Variants in CCDC141 observed in about 807,000 individuals in gnomAD.
CCDC141 encodes coiled-coil domain-containing protein 141.
In CCDC141, 168 loss-of-function variants were observed where a neutral mutation model predicts 181.0. That is an observed-to-expected ratio of 0.93 (90% confidence interval 0.82 to 1.05). The LOEUF (loss-of-function observed/expected upper bound fraction) is 1.05, where lower values mean the gene tolerates loss of function less well. Ranked by LOEUF, CCDC141 falls within the 50% of genes least tolerant of loss-of-function variation. The pLI is 0.00. For missense variants in CCDC141, 1,902 were observed against 1,788.5 expected (o/e 1.06, Z -1.14); for synonymous variants, 666 against 642.3 (o/e 1.04, Z -0.56).
intron 17 of CCDC141, among the ~76,000 whole-genome samples, chr2:178,858,224 G>C (rs1276979533): frequency 6.6e-6 from 1 of 152,022 alleles, no homozygotes; most frequent in African/African-American, 2.4e-5. Flanking sequence ...TAGAAACTCA[G>C]GGGAATATTT....
intron 12 of CCDC141, chr2:178,874,717 G>A (rs912157976): frequency 1.3e-5 from 2 of 152,218 alleles, no homozygotes; most frequent in Non-Finnish European, 2.9e-5. Context: ...ACAGGGGTGA[G>A]CTCACCTATC....
intron 2 of CCDC141, among the ~76,000 whole-genome samples, chr2:179,032,016 A>G (rs764814839): frequency 5.3e-5 from 8 of 152,120 alleles, no homozygotes; most frequent in Non-Finnish European, 1.0e-4. Flanking sequence ...AGAACCATCT[A>G]TACAATATGA....
intron 12 of CCDC141, chr2:178,874,275 T>G (rs955508736): frequency 1.8e-4 from 27 of 152,240 alleles, no homozygotes; most frequent in African/African-American, 6.3e-4. Context: ...GCTTTAATTT[T>G]ATCAATAAGG....
chr2:178,982,703 C>T (rs1691481429), intron 2 of CCDC141, among the ~76,000 whole-genome samples: 2 of 152,176 alleles, frequency 1.3e-5, no homozygotes, highest in South Asian at 4.1e-4. Context: ...AAAGGGGTGA[C>T]AGACGGCACC....
At chr2:178,823,849 T>G in the CCDC141 span, among the ~76,000 whole-genome samples, 1 of 152,330 alleles carries the variant, frequency 6.6e-6, no homozygotes, top group African/African-American at 2.4e-5. Context: ...GGAATTGTGC[T>G]GAGTCTTTTA....
At chr2:178,997,801 A>G (rs1692355147) in intron 2 of CCDC141, among the ~76,000 whole-genome samples, 1 of 152,192 alleles carries the variant, frequency 6.6e-6, no homozygotes, top group African/African-American at 2.4e-5. Flanking sequence ...TAGCAATTTC[A>G]TAAGATGTGT....
chr2:178,988,536 G>A (rs929577913), intron 2 of CCDC141, among the ~76,000 whole-genome samples: 2 of 152,010 alleles, frequency 1.3e-5, no homozygotes, highest in Non-Finnish European at 1.5e-5. Flanking sequence ...GAGAACCCAC[G>A]TTTATGAGTT....
At chr2:178,905,089 A>G (rs1003043425) in intron 8 of CCDC141, among the ~76,000 whole-genome samples, 2 of 152,228 alleles carry the variant, frequency 1.3e-5, no homozygotes, top group African/African-American at 4.8e-5. Flanking sequence ...CTCAGAAACG[A>G]GTAAACAGAA....
rs947040661 is a variant in CCDC141 at position 178,975,292 on chromosome 2, A to G, written c.418-127T>C. The G allele has an allele frequency of 9.3e-6, 5 of 540,208 alleles. No individual in the cohort carries two copies. In the East Asian group the frequency reaches 1.4e-4, roughly 16 times the overall value. The allele number at this position is 540,208 out of a possible 1,614,324, so 33.5% of individuals were successfully genotyped here. A position where few individuals can be genotyped will look rare whatever the true frequency, so the allele number is the denominator to read the frequency against. On this transcript the variant is annotated intron_variant, in intron 3 of 23. Transcript: ENST00000443758. ...TGAGGATGTGTGATTATGCAAGTGC[A>G]TATGTTTGTATGTGTTTGTGTGTGT...
chr2:178,932,791 A>G (rs1689149425), intron 6 of CCDC141, among the ~76,000 whole-genome samples: 1 of 152,208 alleles, frequency 6.6e-6, no homozygotes, highest in Non-Finnish European at 1.5e-5. Context: ...TCAGAAAAAT[A>G]AAACAATAAA....
chr2:178,850,117 G>A lies in CCDC141; in HGVS notation c.3289C>T (p.His1097Tyr). ...GTCACAGATTCAAGAACCTCTTTGTGTTTTGTCACTATTTTCTCAATATAT... is the reference window on the plus strand; with the variant it reads ...GTCACAGATTCAAGAACCTCTTTGTATTTTGTCACTATTTTCTCAATATAT... ...QKYIEKIVTKHKEVLESVTEL... is the reference protein window; with the variant it reads ...QKYIEKIVTKYKEVLESVTEL... The change falls in exon 21 of 24, where the codon CAC becomes TAC. Residue 1097 changes from histidine to tyrosine, a missense_variant. Physicochemically the swap from His to Tyr is moderately conservative, Grantham distance 83 (BLOSUM62 2). Coordinates refer to ENST00000443758, the MANE Select transcript of CCDC141 (RefSeq NM_173648.4). 6.2e-7 allele frequency: 1 copy of A among 1,611,118 alleles called. No individual in the cohort carries two copies. Among genetic ancestry groups the A allele is most frequent in the Non-Finnish European group, 8.5e-7 (1 of 1,178,000 alleles).
chr2:178,820,229 C>T, the CCDC141 span, among the ~76,000 whole-genome samples: 2 of 152,092 alleles, frequency 1.3e-5, no homozygotes, highest in Admixed American at 6.6e-5. Context: ...TTTTACTCTT[C>T]GTATTTGGCT....
chr2:178,872,930 T>G (rs1686185642), intron 12 of CCDC141: 1 of 152,170 alleles, frequency 6.6e-6, no homozygotes, highest in African/African-American at 2.4e-5. Context: ...AACTTTCAGA[T>G]GTTCTGCTTG....
rs1231309141 is a variant in CCDC141, at chr2:178,834,372, G to A, written c.4394C>T (p.Ser1465Leu). The A allele has an allele frequency of 8.5e-6, 13 of 1,536,310 alleles. No individual in the cohort carries two copies. The highest frequency in any genetic ancestry group is 2.0e-5 in the Admixed American group (1 of 50,988). Residue 1465 changes from serine (S) to leucine (L), a missense_variant, in exon 24 of 24, where the codon TCG (serine) becomes TTG (leucine). Physicochemically the swap from Ser to Leu is moderately radical, Grantham distance 145. Coordinates refer to ENST00000443758, the MANE Select transcript of CCDC141 (RefSeq NM_173648.4). ...CTTGCATACCTTTGGAATGAACACC[G>A]AATGCCTTGTCTCCTTGTGTAAAAC... ...LQVLHKETRHSVFIPKVCKAD... is the reference protein window; with the variant it reads ...LQVLHKETRHLVFIPKVCKAD...
At chr2:178,973,645 A>G (rs1409685194) in intron 4 of CCDC141, among the ~76,000 whole-genome samples, 2 of 152,224 alleles carry the variant, frequency 1.3e-5, no homozygotes, top group Non-Finnish European at 2.9e-5. Context: ...TGCCAGCTCC[A>G]TTCCCAAACA....
intron 2 of CCDC141, among the ~76,000 whole-genome samples, chr2:179,020,189 GTT>G (rs111810334): frequency 0.01 from 1,559 of 152,014 alleles, 20 homozygotes; most frequent in African/African-American, 0.036. Context: ...CAGGTGTGTG[GTT>G]TTTTTTCTCT....
chr2:178,905,782 G>A (rs1319455051), intron 7 of CCDC141, among the ~76,000 whole-genome samples: 3 of 152,134 alleles, frequency 2.0e-5, no homozygotes, highest in Non-Finnish European at 4.4e-5. Flanking sequence ...ACAACACAAA[G>A]AGTTATAACC....
chr2:178,984,824 G>A (rs1008241209), intron 2 of CCDC141, among the ~76,000 whole-genome samples: 3 of 152,054 alleles, frequency 2.0e-5, no homozygotes, highest in Non-Finnish European at 4.4e-5. Context: ...AGCAAGTTCT[G>A]AGTGACCTAC....
intron 2 of CCDC141, among the ~76,000 whole-genome samples, chr2:178,999,624 T>C (rs190395143): frequency 6.6e-6 from 1 of 152,206 alleles, no homozygotes; most frequent in East Asian, 1.9e-4. Context: ...ATTCTTTTTT[T>C]AGTCTTATCC....
Sources: gnomAD v4.1 joint callset for allele counts (sites outside exome capture counted in the v4.1 genomes callset) on GRCh38, gnomAD v4.1.1 for gene constraint, MANE v1.5 for transcripts, NCBI Gene and HGNC (gene_info 2026-07-23, HGNC 2026-07-21) for gene names.